The following FOXP1 variants were observed in gnomAD, a reference collection of about 807,000 sequenced individuals.
FOXP1 encodes forkhead box P1, also known as forkhead box protein P1.
Under a neutral mutation model 98.2 loss-of-function variants are expected in FOXP1, and 15 were observed. The observed-to-expected ratio is 0.15, with a 90% CI of 0.10 to 0.24. FOXP1 has a LOEUF of 0.24. Among genes scored for constraint, FOXP1 ranks in the 10% least tolerant of loss-of-function variants. FOXP1 has a pLI of 1.00. For synonymous variants in FOXP1, 371 were observed against 314.5 expected (o/e 1.18, Z -1.90); for missense variants, 633 against 848.5 (o/e 0.75, Z 3.15).
chr3:71,366,182 C>T (rs1024105930), intron 3 of FOXP1, among the ~76,000 whole-genome samples: 2 of 151,960 alleles, frequency 1.3e-5, no homozygotes, highest in African/African-American at 2.4e-5. Context: ...GACATACATA[C>T]AGAGAGATAT....
At chr3:71,000,079 C>T (rs2041916616) in intron 13 of FOXP1, among the ~76,000 whole-genome samples, 1 of 151,934 alleles carries the variant, frequency 6.6e-6, no homozygotes, top group African/African-American at 2.4e-5. Context: ...CTTTTCTGAC[C>T]TAATTTTTAC....
At position 71,130,644 on chromosome 3, in the gene FOXP1, G is replaced by C. The variant is rs1336377153; in HGVS notation, c.181-18007C>G. 6.3e-6 allele frequency: 10 copies of C among 1,597,688 alleles called. No individual in the cohort carries two copies. The highest frequency in any genetic ancestry group is 7.6e-6 in the Non-Finnish European group (9 of 1,179,498). On this transcript the variant is annotated intron_variant, in intron 6 of 20. Transcript: ENST00000649528. Reference sequence around the variant, plus strand: ...TGTTTGAATAAACAGGAAGTACTGTGCGGCTGAAGCACACTCGAAGAGAAA... The same window carrying C: ...TGTTTGAATAAACAGGAAGTACTGTCCGGCTGAAGCACACTCGAAGAGAAA...
intron 6 of FOXP1, among the ~76,000 whole-genome samples, chr3:71,122,006 A>G (rs552033487): frequency 6.6e-6 from 1 of 152,348 alleles, no homozygotes; most frequent in African/African-American, 2.4e-5. Context: ...TGAATAATTC[A>G]GATTCACATC....
intron 9 of FOXP1, among the ~76,000 whole-genome samples, chr3:71,047,296 C>T (rs1186448129): frequency 6.6e-6 from 1 of 152,184 alleles, no homozygotes; most frequent in Non-Finnish European, 1.5e-5. Context: ...TATCTTTCTA[C>T]TGCCCGCTCC....
chr3:71,563,495 A>G (rs1469661186), intron 2 of FOXP1, among the ~76,000 whole-genome samples: 1 of 152,222 alleles, frequency 6.6e-6, no homozygotes, highest in Non-Finnish European at 1.5e-5. Context: ...CTTCAGGACA[A>G]AGAACCAAAG....
At chr3:71,153,745 G>C (rs1325763259) in intron 6 of FOXP1, among the ~76,000 whole-genome samples, 1 of 152,064 alleles carries the variant, frequency 6.6e-6, no homozygotes, top group Non-Finnish European at 1.5e-5. Flanking sequence ...TGATCAAAGG[G>C]AATTATTCTA....
chr3:71,101,741 G>A (rs1488044816), intron 7 of FOXP1, among the ~76,000 whole-genome samples: 2 of 151,146 alleles, frequency 1.3e-5, no homozygotes, highest in East Asian at 3.9e-4. Flanking sequence ...CTAAAAGCTT[G>A]GCAGCAAAAG....
chr3:71,481,319 C>G (rs1052357271), intron 3 of FOXP1, among the ~76,000 whole-genome samples: 1 of 152,180 alleles, frequency 6.6e-6, no homozygotes, highest in African/African-American at 2.4e-5. Flanking sequence ...ATGACCTACC[C>G]AAGATTATAC....
At chr3:71,425,909 C>T (rs1282458020) in intron 3 of FOXP1, among the ~76,000 whole-genome samples, 1 of 152,122 alleles carries the variant, frequency 6.6e-6, no homozygotes, top group Non-Finnish European at 1.5e-5. Flanking sequence ...GTACACTCAC[C>T]CACGTATAGC....
chr3:71,374,562 C>T (rs1235519751), intron 3 of FOXP1, among the ~76,000 whole-genome samples: 2 of 150,606 alleles, frequency 1.3e-5, no homozygotes, highest in African/African-American at 2.4e-5. Flanking sequence ...CACTAAACTC[C>T]AGTCTAGGTA....
intron 5 of FOXP1, among the ~76,000 whole-genome samples, chr3:71,254,568 C>A (rs1282232910): frequency 6.6e-6 from 1 of 152,136 alleles, no homozygotes; most frequent in Non-Finnish European, 1.5e-5. Context: ...CCCTCTAGTC[C>A]GACTTACAGT....
At chr3:71,493,886 T>C (rs891750596) in intron 2 of FOXP1, among the ~76,000 whole-genome samples, 17 of 152,196 alleles carry the variant, frequency 1.1e-4, no homozygotes, top group Admixed American at 4.6e-4. Context: ...TTAACTAAAA[T>C]ATTACACAGA....
At chr3:71,179,393 C>A (rs956542006) in intron 6 of FOXP1, among the ~76,000 whole-genome samples, 1 of 152,012 alleles carries the variant, frequency 6.6e-6, no homozygotes, top group Admixed American at 6.6e-5. Flanking sequence ...CAGGTGTGAG[C>A]CACTACACAA....
chr3:71,441,099 C>T (rs1315945732), intron 3 of FOXP1, among the ~76,000 whole-genome samples: 1 of 152,148 alleles, frequency 6.6e-6, no homozygotes, highest in African/African-American at 2.4e-5. Flanking sequence ...TTTTCAGCTG[C>T]CTCTTGTGAA....
At chr3:71,395,378 C>A (rs1441675380) in intron 3 of FOXP1, among the ~76,000 whole-genome samples, 1 of 148,754 alleles carries the variant, frequency 6.7e-6, no homozygotes, top group Admixed American at 6.8e-5. Context: ...TTCTGTTCCT[C>A]AGACCCACCC....
intron 18 of FOXP1, 200 bp downstream of exon 18, chr3:70,972,355 T>G: frequency 1.1e-6 from 1 of 892,264 alleles, no homozygotes; most frequent in Admixed American, 2.2e-5. Context: ...TAGCATGTGA[T>G]GCAACAAAGA....
intron 7 of FOXP1, 134 bp from the exon 8 acceptor site, chr3:71,053,907 G>A: frequency 1.1e-6 from 1 of 898,040 alleles, no homozygotes; most frequent in South Asian, 1.4e-5. Flanking sequence ...TTATCCAGAG[G>A]GGATGCAGCA....
rs141146918 is a variant in FOXP1 at position 70,977,664 on chromosome 3, T to C, written c.1407A>G (p.Thr469=). ...YKNAEVRPPF[T]YASLIRQAIL... is the part of the protein sequence containing the mutation. ...TTACCTGCCTAATTAAAGATGCATA[T>C]GTAAATGGTGGTCTAACTTCTGCGT... Residue 469 remains threonine (T), a synonymous_variant, in exon 16 of 21, where the codon ACA becomes ACG. Coordinates refer to ENST00000649528, the MANE Select transcript of FOXP1 (RefSeq NM_001349338.3). 1.9e-6 allele frequency: 3 copies of C among 1,613,896 alleles called. No homozygotes were observed. The African/African-American group carries it at 4.0e-5, about 22-fold the overall frequency.
intron 4 of FOXP1, among the ~76,000 whole-genome samples, chr3:71,317,367 C>T (rs2075136740): frequency 6.6e-6 from 1 of 152,178 alleles, no homozygotes; most frequent in African/African-American, 2.4e-5. Context: ...TGAATAAATA[C>T]TTATCCACAA....
Sources: gnomAD v4.1 joint callset for allele counts (sites outside exome capture counted in the v4.1 genomes callset) on GRCh38, gnomAD v4.1.1 for gene constraint, MANE v1.5 for transcripts, NCBI Gene and HGNC (gene_info 2026-07-23, HGNC 2026-07-21) for gene names.